COX7B2: variants seen among roughly 807,000 people sequenced by gnomAD.
COX7B2 encodes the protein cytochrome c oxidase subunit 7B2, also known as cytochrome c oxidase subunit 7B2, mitochondrial.
For missense variants in COX7B2, 109 were observed against 95.9 expected, an observed-to-expected ratio of 1.14 and a Z score of -0.57; for synonymous variants, 37 against 32.1, an observed-to-expected ratio of 1.15 and a Z score of -0.51.
rs74327614 is a variant in COX7B2, at chr4:46,775,975, A to G, written c.-49-40734T>C. ...ATGCCAATACTTGGCAATTTGAGAAAAGATGGAATGTTTATTTAAACTGAA... is the reference window on the plus strand; with the variant it reads ...ATGCCAATACTTGGCAATTTGAGAAGAGATGGAATGTTTATTTAAACTGAA... On this transcript the variant is annotated intron_variant, in intron 2 of 2. Coordinates refer to ENST00000355591, the MANE Select transcript of COX7B2 (RefSeq NM_130902.3). Among the ~76,000 whole-genome samples, 178 of 152,322 alleles carry G rather than the reference A, an allele frequency of 1.2e-3. 3 individuals carry two copies. In the East Asian group the frequency reaches 0.024, roughly 20 times the overall value.
intron 2 of COX7B2, among the ~76,000 whole-genome samples, chr4:46,802,697 C>T (rs1045835314): frequency 6.6e-6 from 1 of 152,120 alleles, no homozygotes; most frequent in African/African-American, 2.4e-5. Flanking sequence ...ACAGCTGAGG[C>T]TTTAAAACTC....
intron 2 of COX7B2, among the ~76,000 whole-genome samples, chr4:46,786,286 T>C (rs1717749529): frequency 6.6e-6 from 1 of 152,236 alleles, no homozygotes; most frequent in Non-Finnish European, 1.5e-5. Context: ...AAAATTCTGA[T>C]GATACTCATG....
intron 2 of COX7B2, among the ~76,000 whole-genome samples, chr4:46,822,064 A>G (rs1038401528): frequency 1.3e-5 from 2 of 152,144 alleles, no homozygotes; most frequent in African/African-American, 4.8e-5. Context: ...GGCGCATGCC[A>G]CCACACTGGG....
intron 2 of COX7B2, among the ~76,000 whole-genome samples, chr4:46,750,043 C>G (rs923759030): frequency 6.6e-6 from 1 of 152,098 alleles, no homozygotes; most frequent in African/African-American, 2.4e-5. Flanking sequence ...TATGTTCTAT[C>G]CAATTCCACA....
intron 1 of COX7B2, among the ~76,000 whole-genome samples, chr4:46,868,051 C>T (rs1222418853): frequency 6.6e-6 from 1 of 152,104 alleles, no homozygotes; most frequent in Non-Finnish European, 1.5e-5. Context: ...TATTCAATTT[C>T]AGAACTCATT....
intron 2 of COX7B2, among the ~76,000 whole-genome samples, chr4:46,818,879 G>A (rs1714050283): frequency 6.6e-6 from 1 of 152,184 alleles, no homozygotes. Flanking sequence ...TGCCAGTGTT[G>A]CATGAATTAC....
chr4:46,889,698 G>C (rs1233078426), intron 1 of COX7B2, among the ~76,000 whole-genome samples: 1 of 152,136 alleles, frequency 6.6e-6, no homozygotes, highest in Non-Finnish European at 1.5e-5. Context: ...AGCTGATAAT[G>C]AGGGCAAAAA....
chr4:46,777,425 G>C (rs796475360), intron 2 of COX7B2, among the ~76,000 whole-genome samples: 6 of 152,178 alleles, frequency 3.9e-5, no homozygotes, highest in African/African-American at 7.2e-5. Flanking sequence ...GGTGAGGAGA[G>C]AGTGAGTGTT....
At chr4:46,770,246 T>C (rs183592765) in intron 2 of COX7B2, among the ~76,000 whole-genome samples, 280 of 152,096 alleles carry the variant, frequency 1.8e-3, no homozygotes, top group Non-Finnish European at 2.9e-3. Flanking sequence ...CCAATAACAA[T>C]AGCATCAAAA....
At chr4:46,879,306 T>C (rs1296139270) in intron 1 of COX7B2, among the ~76,000 whole-genome samples, 1 of 152,158 alleles carries the variant, frequency 6.6e-6, no homozygotes. Context: ...TATAGCCATG[T>C]ACCACTGTGT....
intron 1 of COX7B2, among the ~76,000 whole-genome samples, chr4:46,874,994 T>G (rs1184026979): frequency 6.6e-6 from 1 of 152,180 alleles, no homozygotes; most frequent in African/African-American, 2.4e-5. Flanking sequence ...TACTGCTTAT[T>G]AAAAATGCTT....
chr4:46,807,162 C>A (rs1466706569), intron 2 of COX7B2, among the ~76,000 whole-genome samples: 1 of 151,868 alleles, frequency 6.6e-6, no homozygotes, highest in African/African-American at 2.4e-5. Context: ...CTTCTCCACA[C>A]CCTTGTCAAT....
chr4:46,872,093 T>C (rs1399720630), intron 1 of COX7B2, among the ~76,000 whole-genome samples: 1 of 152,108 alleles, frequency 6.6e-6, no homozygotes, highest in East Asian at 1.9e-4. Flanking sequence ...AGTGTCAGAC[T>C]GAATAAAGAA....
intron 2 of COX7B2, among the ~76,000 whole-genome samples, chr4:46,826,979 C>T (rs1216341286): frequency 6.6e-6 from 1 of 151,860 alleles, no homozygotes; most frequent in African/African-American, 2.4e-5. Flanking sequence ...TGAATATGAC[C>T]AAATGGTTTT....
chr4:46,822,126 T>G (rs1361928026), intron 2 of COX7B2, among the ~76,000 whole-genome samples: 2 of 152,196 alleles, frequency 1.3e-5, no homozygotes, highest in Admixed American at 1.3e-4. Flanking sequence ...TTGGCCAGGA[T>G]AGTCTCCATC....
Position 46,769,227 on chromosome 4 carries a change from G to T in COX7B2, c.-49-33986C>A, listed in dbSNP as rs182577318. Among the ~76,000 whole-genome samples, 3 of 152,172 alleles carry T rather than the reference G, an allele frequency of 2.0e-5. No individual in the cohort carries two copies. In the East Asian group the frequency reaches 5.8e-4, roughly 29 times the overall value. On this transcript the variant is annotated intron_variant, in intron 2 of 2. Coordinates refer to ENST00000355591, the MANE Select transcript of COX7B2 (RefSeq NM_130902.3). ...AACACTTCCAAACTCATTTTATGAT[G>T]TAATATTACCCTGATACCAAAGCCA...
intron 2 of COX7B2, among the ~76,000 whole-genome samples, chr4:46,748,339 A>G (rs775795218): frequency 2.6e-5 from 4 of 152,226 alleles, no homozygotes; most frequent in Non-Finnish European, 4.4e-5. Flanking sequence ...TACATAAAAC[A>G]TTATTTTATT....
chr4:46,771,082 C>A (rs1040147747), intron 2 of COX7B2, among the ~76,000 whole-genome samples: 4 of 152,008 alleles, frequency 2.6e-5, no homozygotes, highest in Admixed American at 2.6e-4. Flanking sequence ...GTGCTAATAT[C>A]CAAAATATAT....
At chr4:46,895,459 A>T (rs557196525) in intron 1 of COX7B2, among the ~76,000 whole-genome samples, 174 of 152,244 alleles carry the variant, frequency 1.1e-3, no homozygotes, top group African/African-American at 4.0e-3. Context: ...GGGCACAAAG[A>T]GGAGAACAAC....
Sources: allele counts gnomAD v4.1 joint callset (sites outside exome capture counted in the v4.1 genomes callset), GRCh38; gene constraint gnomAD v4.1.1; transcripts MANE v1.5; gene names NCBI Gene and HGNC (gene_info 2026-07-23, HGNC 2026-07-21).